MTOR: variants seen among roughly 807,000 people sequenced by gnomAD.
MTOR encodes serine/threonine-protein kinase mTOR.
In MTOR, 70 loss-of-function variants were observed where a neutral mutation model predicts 319.8. That is an observed-to-expected ratio of 0.22 (90% CI 0.18 to 0.27). The LOEUF is 0.27. Ranked by LOEUF, MTOR falls within the 10% of genes least tolerant of loss-of-function variation. The pLI is 1.00. For synonymous variants in MTOR, 1,183 were observed against 1,211.4 expected, an observed-to-expected ratio of 0.98 and a Z score of 0.49; for missense variants, 1,890 against 3,274.4, an observed-to-expected ratio of 0.58 and a Z score of 10.32.
Position 11,132,365 on chromosome 1 carries a change from G to T in MTOR, c.5364+715C>A, listed in dbSNP as rs544226595. The T allele has an allele frequency of 2.6e-5, 4 of 152,258 alleles. No individual in the cohort carries two copies. The East Asian group carries it at 5.8e-4, about 22-fold the overall frequency. 9.4% of individuals were successfully genotyped at this position (152,258 alleles called of 1,614,324 possible). ...CAGAATGAAGCATGCCTAAACAAAGGTAAGATCTGTATTATAAGTGCTTCT... is the reference window on the plus strand; with the variant it reads ...CAGAATGAAGCATGCCTAAACAAAGTTAAGATCTGTATTATAAGTGCTTCT... On this transcript the variant is annotated intron_variant, in intron 38 of 57. Coordinates refer to ENST00000361445, the MANE Select transcript of MTOR (RefSeq NM_004958.4).
intron 4 of MTOR, among the ~76,000 whole-genome samples, chr1:11,256,578 G>A (rs1650428942): frequency 6.6e-6 from 1 of 152,170 alleles, no homozygotes; most frequent in Admixed American, 6.5e-5. Flanking sequence ...TTTGACAGAG[G>A]AAGAAACTGA....
At chr1:11,242,643 C>T (rs1399973369) in intron 9 of MTOR, among the ~76,000 whole-genome samples, 1 of 152,208 alleles carries the variant, frequency 6.6e-6, no homozygotes, top group Admixed American at 6.5e-5. Flanking sequence ...CGAAGACACC[C>T]CAGTCTCTCC....
chr1:11,237,920 C>G lies in MTOR; in HGVS notation c.2131G>C (p.Ala711Pro), dbSNP rs2100898443. 1.2e-6 allele frequency: 2 copies of G among 1,614,146 alleles called. No individual in the cohort carries two copies. Among genetic ancestry groups the G allele is most frequent in the Non-Finnish European group, 8.5e-7 (1 of 1,180,030 alleles). ...NDQVFEIRELAICTVGRLSSM... is the reference protein window; with the variant it reads ...NDQVFEIRELPICTVGRLSSM... ...CTGAGTCGGCCCACAGTGCAGATGG[C>G]CAGCTCCCGGATCTCAAACACCTGG... The change falls in exon 13 of 58, where the codon GCC becomes CCC. Residue 711 changes from alanine (A) to proline (P), a missense_variant. By Grantham distance (27) the Ala-to-Pro change is conservative (BLOSUM62 -1). This residue lies in a region of MTOR where 377 missense variants were observed against 653.9 expected (regional missense o/e 0.58). Transcript: ENST00000361445.
chr1:11,176,169 G>A (rs1003119628), intron 28 of MTOR, among the ~76,000 whole-genome samples: 1 of 152,192 alleles, frequency 6.6e-6, no homozygotes. Flanking sequence ...CACCTGAAGA[G>A]AAACCTGGAG....
intron 19 of MTOR, 146 bp downstream of exon 19, chr1:11,228,522 A>G: frequency 3.6e-6 from 4 of 1,112,262 alleles, no homozygotes; most frequent in Non-Finnish European, 5.1e-6. Flanking sequence ...AGCTGATTGT[A>G]CACTTTATAT....
Position 11,253,861 on chromosome 1 carries a change from C to T in MTOR, c.818G>A (p.Arg273Gln), listed in dbSNP as rs1650023005. 6.2e-7 allele frequency: 1 copy of T among 1,614,138 alleles called. No homozygotes were observed. Among genetic ancestry groups the T allele is most frequent in the African/African-American group, 1.3e-5 (1 of 75,044 alleles). Residue 273 changes from arginine to glutamine, a missense_variant, in exon 6 of 58, where the codon CGA becomes CAA. This residue lies in a region of MTOR where 418 missense variants were observed against 543.1 expected (regional missense o/e 0.77). Coordinates refer to ENST00000361445, the MANE Select transcript of MTOR (RefSeq NM_004958.4). ...GALLILNELV[R>Q]ISSMEGERLR... Reference sequence around the variant, plus strand: ...CACCTCTCCCTCCATGCTGCTGATTCGGACCAGCTCGTTAAGGATCAACAA... The same window carrying T: ...CACCTCTCCCTCCATGCTGCTGATTTGGACCAGCTCGTTAAGGATCAACAA...
intron 49 of MTOR, among the ~76,000 whole-genome samples, chr1:11,120,880 G>A (rs1340021095): frequency 2.0e-5 from 3 of 151,988 alleles, no homozygotes; most frequent in Non-Finnish European, 2.9e-5. Flanking sequence ...CAGAAGCTAC[G>A]GATATGGAGG....
In MTOR at chr1:11,115,167, G is replaced by A. The variant is rs1217437661; in HGVS notation, c.7089+229C>T. 1.3e-5 allele frequency among the ~76,000 whole-genome samples: 2 copies of A among 152,076 alleles called. No individual in the cohort carries two copies. The highest frequency in any genetic ancestry group is 4.8e-5 in the African/African-American group (2 of 41,396). Reference sequence around the variant, plus strand: ...GGCAACAGGTGGTATGGAGGGTAGGGGCCTACTCTACTCAGAGGGCATGGG... The same window carrying A: ...GGCAACAGGTGGTATGGAGGGTAGGAGCCTACTCTACTCAGAGGGCATGGG... On this transcript the variant is annotated intron_variant, in intron 51 of 57. Transcript: ENST00000361445. This position sits in a 1 kb window ranked among gnomAD's most constrained non-coding sequence, Gnocchi z 4.5.
At chr1:11,193,046 C>T (rs1571125018) in intron 28 of MTOR, among the ~76,000 whole-genome samples, 1 of 152,132 alleles carries the variant, frequency 6.6e-6, no homozygotes, top group Non-Finnish European at 1.5e-5. Flanking sequence ...GGCATGGTGG[C>T]TCACACCTGT....
chr1:11,253,671 G>A lies in MTOR; in HGVS notation c.840+168C>T, dbSNP rs17848584. 0.032 allele frequency among the ~76,000 whole-genome samples: 4,796 copies of A among 152,056 alleles called. 197 individuals are homozygous for A. The highest frequency in any genetic ancestry group is 0.074 in the African/African-American group (3,062 of 41,482). ...CCCCATCACTCTCTATTCTATTCTG[G>A]TTTGACTTTCTTCATAGAACTTGCT... On this transcript the variant is annotated intron_variant, in intron 6 of 57. Transcript: ENST00000361445.
chr1:11,251,721 A>C (rs905224971), intron 6 of MTOR, among the ~76,000 whole-genome samples: 4 of 143,130 alleles, frequency 2.8e-5, no homozygotes, highest in Non-Finnish European at 6.0e-5. Context: ...CAAACTCCTG[A>C]GCTCAAACTC....
At chr1:11,204,535 TCTC>T (rs2100764590) in intron 26 of MTOR, 23 bp downstream of exon 26, 1 of 1,598,746 alleles carries the variant, frequency 6.3e-7, no homozygotes, top group Non-Finnish European at 8.5e-7. Context: ...GTGCTGATCT[TCTC>T]CACCCGCCCT....
chr1:11,247,713 T>C lies in MTOR; in HGVS notation c.1137A>G (p.Lys379=). The change falls in exon 8 of 58, where the codon AAA becomes AAG. Residue 379 remains lysine (K), a synonymous_variant. Transcript: ENST00000361445. ...TCAGCGAGTTCTTGCTATTCCTGCA[T>C]TTCAGCACCCACTGGCACACCTGAG... is the stretch of plus-strand genomic sequence containing the variant. ...KFDQVCQWVL[K]CRNSKNSLIQ... 1 of 1,614,156 alleles carries C rather than the reference T, an allele frequency of 6.2e-7. No individual in the cohort carries two copies. The highest frequency in any genetic ancestry group is 8.5e-7 in the Non-Finnish European group (1 of 1,180,022).
chr1:11,121,474 C>T lies in MTOR; in HGVS notation c.6811-106G>A. On this transcript the variant is annotated intron_variant, in intron 48 of 57. Transcript: ENST00000361445. This position sits in a 1 kb window ranked among gnomAD's most constrained non-coding sequence, Gnocchi z 4.9. ...CCAGGCAGAGCTGAGTTCTAATTTC[C>T]CCATCATAGCCAAAGGAGAAGGGAA... The T allele has an allele frequency of 5.6e-6, 8 of 1,425,010 alleles. No individual in the cohort carries two copies. Among genetic ancestry groups the T allele is most frequent in the Non-Finnish European group, 7.7e-6 (8 of 1,044,434 alleles). 88.3% of individuals were successfully genotyped at this position (1,425,010 alleles called of 1,614,324 possible).
chr1:11,120,516 C>CA (rs1274114660), intron 49 of MTOR, among the ~76,000 whole-genome samples: 1 of 132,196 alleles, frequency 7.6e-6, no homozygotes, highest in Non-Finnish European at 1.6e-5. Context: ...CCAGCCTGGG[C>CA]GGGGAAAAAA....
intron 31 of MTOR, 131 bp from the exon 32 acceptor site, chr1:11,146,922 C>T: frequency 1.5e-6 from 1 of 652,036 alleles, no homozygotes; most frequent in Non-Finnish European, 2.7e-6. Flanking sequence ...TAAACTTGAG[C>T]CTCATGTACC....
Position 11,204,665 on chromosome 1 carries a change from C to T in MTOR, c.3840G>A (p.Trp1280Ter). The change falls in exon 26 of 58, where the codon TGG (tryptophan) becomes TGA (stop). Residue 1280 changes from tryptophan (W) to a stop codon, truncating the protein, a stop_gained. Transcript: ENST00000361445. LOFTEE classifies it high-confidence loss of function. ...GGCTCAGCCGTCTCAGCCATTCCAGCCAGTCATCTTTGGAGACCCTCCTGG... is the reference window on the plus strand; with the variant it reads ...GGCTCAGCCGTCTCAGCCATTCCAGTCAGTCATCTTTGGAGACCCTCCTGG... ...GAARRVSKDDWLEWLRRLSLE... is the reference protein window; with the variant it reads ...GAARRVSKDD 6.2e-7 allele frequency: 1 copy of T among 1,614,204 alleles called. No individual in the cohort carries two copies. The highest frequency in any genetic ancestry group is 8.5e-7 in the Non-Finnish European group (1 of 1,180,032).
At position 11,233,457 on chromosome 1, in the gene MTOR, G is replaced by C; in HGVS notation, c.2362C>G (p.Pro788Ala). ...ALILKLKDPD[P>A]DPNPGVINNV... Reference sequence around the variant, plus strand: ...TTGATCACACCTGGGTTTGGATCAGGGTCTGGATCTTTCAGTTTCAAAATT... The same window carrying C: ...TTGATCACACCTGGGTTTGGATCAGCGTCTGGATCTTTCAGTTTCAAAATT... Residue 788 changes from proline (P) to alanine (A), a missense_variant, in exon 15 of 58, where the codon CCT becomes GCT. Physicochemically the swap from Pro to Ala is conservative, Grantham distance 27. Coordinates refer to ENST00000361445, the MANE Select transcript of MTOR (RefSeq NM_004958.4). 1 of 1,614,022 alleles carries C rather than the reference G, an allele frequency of 6.2e-7. No homozygotes were observed. Among genetic ancestry groups the C allele is most frequent in the Non-Finnish European group, 8.5e-7 (1 of 1,179,986 alleles).
intron 16 of MTOR, among the ~76,000 whole-genome samples, 172 bp from the exon 17 acceptor site, chr1:11,231,606 T>C (rs577343033): frequency 4.2e-4 from 64 of 152,232 alleles, no homozygotes; most frequent in African/African-American, 1.4e-3. Context: ...AAAACCAAGG[T>C]TGATCAAGCA....
Sources: gnomAD v4.1 joint callset for allele counts (sites outside exome capture counted in the v4.1 genomes callset) on GRCh38, gnomAD v4.1.1 for gene constraint, gnomAD v4.1.1 regional missense constraint, Gnocchi (gnomAD v3.1) non-coding constraint, MANE v1.5 for transcripts, NCBI Gene and HGNC (gene_info 2026-07-23, HGNC 2026-07-21) for gene names.